The following ACAD10 variants were observed in gnomAD, a reference collection of about 807,000 sequenced individuals.
ACAD10 encodes acyl-CoA dehydrogenase family member 10.
A neutral mutation model predicts 116.8 loss-of-function variants in ACAD10; 112 were observed. That is an observed-to-expected ratio of 0.96 (90% CI 0.82 to 1.12). The LOEUF (loss-of-function observed/expected upper bound fraction) is 1.12. ACAD10 is among the 50% of genes most tolerant of loss of function. The pLI, the probability that ACAD10 is intolerant of heterozygous loss-of-function variation, is 0.00. For missense variants in ACAD10, 1,259 were observed against 1,350.2 expected (o/e 0.93, Z 1.06); for synonymous variants, 486 against 510.6 (o/e 0.95, Z 0.65).
intron 3 of ACAD10, 63 bp downstream of exon 3, chr12:111,702,373 A>C: frequency 5.7e-6 from 9 of 1,567,016 alleles, no homozygotes; most frequent in Non-Finnish European, 7.8e-6. Flanking sequence ...TGGTTGCAAC[A>C]TTCATGTATA....
chr12:111,720,455 T>C (rs1005567475), intron 7 of ACAD10, among the ~76,000 whole-genome samples: 6 of 152,242 alleles, frequency 3.9e-5, no homozygotes, highest in Non-Finnish European at 7.3e-5. Flanking sequence ...TTACTTGATA[T>C]ATTTCGAAGC....
At chr12:111,753,469 C>A in intron 18 of ACAD10, 1 of 590,722 alleles carries the variant, frequency 1.7e-6, no homozygotes, top group Non-Finnish European at 3.2e-6. Context: ...TGTCTGGTAG[C>A]CAGGCCTGCC....
intron 17 of ACAD10, 62 bp downstream of exon 17, chr12:111,748,537 A>AT: frequency 6.3e-7 from 1 of 1,590,148 alleles, no homozygotes; most frequent in Admixed American, 1.7e-5. Flanking sequence ...AACACCACTG[A>AT]GGGGCCCCTG....
intron 7 of ACAD10, among the ~76,000 whole-genome samples, chr12:111,717,093 A>T (rs578131233): frequency 2.4e-4 from 37 of 152,210 alleles, no homozygotes; most frequent in African/African-American, 8.9e-4. Flanking sequence ...CTCATTTACA[A>T]CTGGGAAAAG....
rs756833353 is a variant in ACAD10 at position 111,749,280 on chromosome 12, A to G, written c.2752A>G (p.Arg918Gly). Residue 918 changes from arginine to glycine, a missense_variant, in exon 18 of 21, where the codon AGG (arginine) becomes GGG (glycine). Coordinates refer to ENST00000313698, the MANE Select transcript of ACAD10 (RefSeq NM_025247.6). Reference sequence around the variant, plus strand: ...CGCCCAGGGCAGACTGGGCCCCGGCAGGATCCATCACTGCATGAGGCTGAT... The same window carrying G: ...CGCCCAGGGCAGACTGGGCCCCGGCGGGATCCATCACTGCATGAGGCTGAT... ...EIAQGRLGPG[R>G]IHHCMRLIGF... 67 of 1,613,962 alleles carry G rather than the reference A, an allele frequency of 4.2e-5. No individual in the cohort carries two copies. In the South Asian group the frequency reaches 7.1e-4, roughly 17 times the overall value.
chr12:111,736,707 C>T, intron 11 of ACAD10, 124 bp from the exon 12 acceptor site: 1 of 918,974 alleles, frequency 1.1e-6, no homozygotes. Context: ...ATAAGCTAAC[C>T]CATGGAACTG....
chr12:111,710,089 TC>T, intron 5 of ACAD10: 1 of 310,930 alleles, frequency 3.2e-6, no homozygotes. Flanking sequence ...TTTTTTCTAT[TC>T]TTTTTTTTTT....
chr12:111,722,588 T>A (rs1889048366), intron 8 of ACAD10, among the ~76,000 whole-genome samples: 1 of 151,692 alleles, frequency 6.6e-6, no homozygotes, highest in Non-Finnish European at 1.5e-5. Context: ...GTGATGACTC[T>A]TAACGAGCAT....
chr12:111,705,958 T>C (rs1215816936), intron 4 of ACAD10, 26 bp downstream of exon 4: 5 of 1,609,726 alleles, frequency 3.1e-6, no homozygotes, highest in African/African-American at 2.7e-5. Context: ...TTGAAAACCA[T>C]TGGAACAGAA....
intron 1 of ACAD10, chr12:111,690,319 G>A (rs1887999707): frequency 6.6e-6 from 1 of 152,132 alleles, no homozygotes; most frequent in African/African-American, 2.4e-5. Context: ...CACCTAGCCT[G>A]ATGGTAATTT....
intron 12 of ACAD10, among the ~76,000 whole-genome samples, chr12:111,743,798 G>A (rs1027192428): frequency 6.6e-5 from 10 of 152,084 alleles, no homozygotes; most frequent in African/African-American, 2.4e-4. Flanking sequence ...CCAGGCTGGA[G>A]TGCAATGGCA....
intron 13 of ACAD10, 59 bp from the exon 14 acceptor site, chr12:111,746,085 G>C (rs1000921024): frequency 1.2e-5 from 19 of 1,578,106 alleles, no homozygotes; most frequent in Non-Finnish European, 1.6e-5. Flanking sequence ...TGTTTTCCAC[G>C]GTTCAAAATA....
intron 12 of ACAD10, among the ~76,000 whole-genome samples, chr12:111,740,563 T>G (rs1443693674): frequency 2.1e-5 from 3 of 143,850 alleles, no homozygotes; most frequent in Non-Finnish European, 3.0e-5. Context: ...ATCAAGACCA[T>G]CCTGGCCAAC....
chr12:111,699,542 C>G (rs1456765219), intron 2 of ACAD10, among the ~76,000 whole-genome samples: 4 of 151,784 alleles, frequency 2.6e-5, no homozygotes, highest in Non-Finnish European at 5.9e-5. Flanking sequence ...TTTTTTTTGA[C>G]TCAGTATGAT....
At chr12:111,709,412 T>G in intron 4 of ACAD10, 114 bp from the exon 5 acceptor site, 1 of 867,908 alleles carries the variant, frequency 1.2e-6, no homozygotes. Flanking sequence ...AATTACTTGT[T>G]ATAATAAATC....
Position 111,736,829 on chromosome 12 carries a change from A to G in ACAD10, c.1541-2A>G. Reference sequence around the variant, plus strand: ...CCATGAATGGCTCTGTCTTTCTCGCAGGTATTAATGACTGTGACTTGACAC... The same window carrying G: ...CCATGAATGGCTCTGTCTTTCTCGCGGGTATTAATGACTGTGACTTGACAC... On this transcript the variant is annotated splice_acceptor_variant, in intron 11 of 20. Transcript: ENST00000313698. LOFTEE classifies it high-confidence loss of function. 1 of 1,611,106 alleles carries G rather than the reference A, an allele frequency of 6.2e-7. No homozygotes were observed. Among genetic ancestry groups the G allele is most frequent in the Non-Finnish European group, 8.5e-7 (1 of 1,178,706 alleles).
At chr12:111,706,514 A>C (rs1177920693) in intron 4 of ACAD10, among the ~76,000 whole-genome samples, 1 of 152,062 alleles carries the variant, frequency 6.6e-6, no homozygotes, top group African/African-American at 2.4e-5. Flanking sequence ...CAGTGGCACA[A>C]TCTCAGCTCA....
intron 8 of ACAD10, among the ~76,000 whole-genome samples, chr12:111,727,746 T>C (rs901911790): frequency 2.0e-5 from 3 of 152,210 alleles, no homozygotes. Flanking sequence ...TATATGTGTG[T>C]GTGCATGTAT....
intron 17 of ACAD10, 171 bp downstream of exon 17, chr12:111,748,646 G>A: frequency 4.0e-6 from 3 of 748,768 alleles, no homozygotes; most frequent in Middle Eastern, 3.9e-4. Context: ...TATCAACCAT[G>A]CAGGCGGATT....
Sources: allele counts gnomAD v4.1 joint callset (sites outside exome capture counted in the v4.1 genomes callset), GRCh38; gene constraint gnomAD v4.1.1; transcripts MANE v1.5; gene names NCBI Gene and HGNC (gene_info 2026-07-23, HGNC 2026-07-21).